SMARCA2: variants seen among roughly 807,000 people sequenced by gnomAD.
SMARCA2 encodes SWI/SNF related BAF chromatin remodeling complex subunit ATPase 2.
In SMARCA2, 61 loss-of-function variants were observed where a neutral mutation model predicts 199.8. The observed-to-expected ratio is 0.31, with a 90% confidence interval of 0.25 to 0.38. The LOEUF (loss-of-function observed/expected upper bound fraction) is 0.38. SMARCA2 is among the 10% of genes least tolerant of loss of function. The pLI, the probability that SMARCA2 is intolerant of heterozygous loss-of-function variation, is 1.00. For missense variants in SMARCA2, 1,344 were observed against 2,012.2 expected (o/e 0.67, Z 6.35); for synonymous variants, 935 against 732.0 (o/e 1.28, Z -4.48).
At chr9:2,064,414 A>G (rs577435655) in intron 9 of SMARCA2, among the ~76,000 whole-genome samples, 64 of 152,234 alleles carry the variant, frequency 4.2e-4, no homozygotes, top group Non-Finnish European at 7.5e-4. Context: ...TATCTAAAGC[A>G]TGTAGAATAC....
chr9:2,139,202 T>C (rs564631515), intron 27 of SMARCA2, among the ~76,000 whole-genome samples: 1 of 152,260 alleles, frequency 6.6e-6, no homozygotes, highest in Non-Finnish European at 1.5e-5. Context: ...GACCGTGGCA[T>C]TGCGGTAAAG....
At chr9:2,075,979 A>C (rs1821306455) in intron 12 of SMARCA2, among the ~76,000 whole-genome samples, 1 of 152,232 alleles carries the variant, frequency 6.6e-6, no homozygotes, top group African/African-American at 2.4e-5. Flanking sequence ...TTACATACTC[A>C]TTCTTGGGAG....
At chr9:2,077,548 C>A in intron 13 of SMARCA2, 81 bp from the exon 14 acceptor site, 1 of 1,426,130 alleles carries the variant, frequency 7.0e-7, no homozygotes, top group Non-Finnish European at 9.8e-7. Flanking sequence ...ATTTTAGGTT[C>A]TCAAATCATT....
intron 2 of SMARCA2, among the ~76,000 whole-genome samples, chr9:2,030,014 G>A (rs903315975): frequency 2.6e-5 from 4 of 152,152 alleles, no homozygotes; most frequent in African/African-American, 4.8e-5. Context: ...GTAAGCAATA[G>A]CCAAGAAAAA....
intron 32 of SMARCA2, among the ~76,000 whole-genome samples, chr9:2,190,574 A>T (rs950271555): frequency 6.6e-6 from 1 of 152,228 alleles, no homozygotes. Flanking sequence ...GTGTGTATAT[A>T]TACTTACTTG....
chr9:2,096,628 T>A (rs1216740694), intron 19 of SMARCA2, 29 bp from the exon 20 acceptor site: 2 of 1,460,500 alleles, frequency 1.4e-6, no homozygotes, highest in East Asian at 4.5e-5. Flanking sequence ...CTTCCTGCTC[T>A]TGCCTACTTA....
At chr9:2,043,292 G>T (rs758961210) in intron 4 of SMARCA2, 1 of 152,184 alleles carries the variant, frequency 6.6e-6, no homozygotes, top group African/African-American at 2.4e-5. Flanking sequence ...CACCACCAAA[G>T]AATTATGATT....
At position 2,088,631 on chromosome 9, in the gene SMARCA2, A is replaced by C. The variant is rs1448811953; in HGVS notation, c.2883+18A>C. 1 of 1,549,386 alleles carries C rather than the reference A, an allele frequency of 6.5e-7. No homozygotes were observed. The highest frequency in any genetic ancestry group is 2.1e-5 in the Admixed American group (1 of 47,472). On this transcript the variant is annotated intron_variant, in intron 19 of 33. Coordinates refer to ENST00000349721, the MANE Select transcript of SMARCA2 (RefSeq NM_003070.5). ...CCGAAAAAGTATGTTGCACAACCAA[A>C]AGTTGTGGGTTTTTTTTTTCCTCCA...
intron 9 of SMARCA2, among the ~76,000 whole-genome samples, chr9:2,069,400 T>A (rs1305430569): frequency 6.6e-6 from 1 of 150,796 alleles, no homozygotes; most frequent in African/African-American, 2.4e-5. Context: ...ACTAAAAAAA[T>A]ACAAAAAAAT....
rs1382804114 is a variant in SMARCA2, at chr9:2,169,399, A to T, written c.4200-1020A>T. 1.3e-5 allele frequency among the ~76,000 whole-genome samples: 2 copies of T among 151,984 alleles called. No homozygotes were observed. The highest frequency in any genetic ancestry group is 2.9e-5 in the Non-Finnish European group (2 of 68,012). ...GAGAATTGTTATCTTCCACAGTCTG[A>T]ACCTTCGGATCTTCCCAACTTTTTT... On this transcript the variant is annotated intron_variant, in intron 28 of 33. Transcript: ENST00000349721. The surrounding 1 kb of genome is among the most constrained non-coding windows in gnomAD (Gnocchi z 6.5).
intron 32 of SMARCA2, among the ~76,000 whole-genome samples, chr9:2,189,056 T>G (rs767290167): frequency 3.9e-5 from 6 of 152,238 alleles, no homozygotes; most frequent in Non-Finnish European, 8.8e-5. Context: ...ATGATTAGAC[T>G]GGGCCCACCT....
chr9:2,101,431 C>G, intron 21 of SMARCA2, 139 bp from the exon 22 acceptor site: 1 of 488,962 alleles, frequency 2.0e-6, no homozygotes, highest in Non-Finnish European at 3.7e-6. Flanking sequence ...TGGTTCATTA[C>G]GTGTGTAAGT....
chr9:2,063,859 T>C (rs1586663444), intron 9 of SMARCA2, among the ~76,000 whole-genome samples: 1 of 152,182 alleles, frequency 6.6e-6, no homozygotes, highest in East Asian at 1.9e-4. Context: ...TATGACCTTG[T>C]TTAATTTTCT....
rs1818357440 is a variant in SMARCA2 at position 2,016,457 on chromosome 9, G to C, written c.-37+1053G>C. On this transcript the variant is annotated intron_variant, in intron 1 of 33. Transcript: ENST00000349721. This position sits in a 1 kb window ranked among gnomAD's most constrained non-coding sequence, Gnocchi z 5.6. ...TTCTTTTGCTTCGCGTCTTCCCCTT[G>C]CTTGCGCCGCGGGAGCTGCGGGCGT... 6.6e-6 allele frequency: 1 copy of C among 152,430 alleles called. No individual in the cohort carries two copies. Among genetic ancestry groups the C allele is most frequent in the African/African-American group, 2.4e-5 (1 of 41,458 alleles). The allele number at this position is 152,430 out of a possible 1,614,324, so 9.4% of individuals were successfully genotyped here.
chr9:2,160,833 C>T (rs1586771596), intron 27 of SMARCA2: 6 of 389,124 alleles, frequency 1.5e-5, no homozygotes, highest in Non-Finnish European at 2.3e-5. Flanking sequence ...TCTTCCTTGG[C>T]AGTATTTTTC....
chr9:2,043,040 C>T (rs1819680018), intron 4 of SMARCA2: 1 of 151,864 alleles, frequency 6.6e-6, no homozygotes, highest in African/African-American at 2.4e-5. Context: ...GCATGATTTT[C>T]TTGTTAAAGT....
chr9:2,027,535 A>G (rs79384443), intron 1 of SMARCA2, among the ~76,000 whole-genome samples: 1 of 152,212 alleles, frequency 6.6e-6, no homozygotes, highest in African/African-American at 2.4e-5. Flanking sequence ...TTCATCAGAT[A>G]ATTTTTGAGC....
chr9:2,039,452 G>A lies in SMARCA2; in HGVS notation c.356-14G>A. 2.5e-6 allele frequency: 4 copies of A among 1,603,164 alleles called. No homozygotes were observed. The highest frequency in any genetic ancestry group is 3.4e-6 in the Non-Finnish European group (4 of 1,173,202). On this transcript the variant is annotated splice_polypyrimidine_tract_variant and intron_variant, in intron 3 of 33. Transcript: ENST00000349721. The surrounding 1 kb of genome is among the most constrained non-coding windows in gnomAD (Gnocchi z 4.8). Reference sequence around the variant, plus strand: ...CAGGGGCAGCCTGTGATTTCCTTTTGTGTTTTATTTTAGGTTATATGTCAC... The same window carrying A: ...CAGGGGCAGCCTGTGATTTCCTTTTATGTTTTATTTTAGGTTATATGTCAC...
At chr9:2,122,685 A>G (rs1823519448) in intron 26 of SMARCA2, among the ~76,000 whole-genome samples, 1 of 152,214 alleles carries the variant, frequency 6.6e-6, no homozygotes, top group South Asian at 2.1e-4. Flanking sequence ...TTTCATTTAC[A>G]TTTTATCAGT....
Sources: allele counts gnomAD v4.1 joint callset (sites outside exome capture counted in the v4.1 genomes callset), GRCh38; gene constraint gnomAD v4.1.1; non-coding constraint Gnocchi (gnomAD v3.1); transcripts MANE v1.5; gene names NCBI Gene and HGNC (gene_info 2026-07-23, HGNC 2026-07-21).